Variants in CFAP91 observed in about 807,000 individuals in gnomAD.
The protein encoded by CFAP91 is cilia- and flagella-associated protein 91.
In CFAP91, 85 loss-of-function variants were observed where a neutral mutation model predicts 95.9. That is an observed-to-expected ratio of 0.89 (90% CI 0.74 to 1.06). CFAP91 has a LOEUF of 1.06. Among genes scored for constraint, CFAP91 ranks in the 50% least tolerant of loss-of-function variants. CFAP91 has a pLI of 0.00. For synonymous variants in CFAP91, 335 were observed against 327.5 expected (o/e 1.02, Z -0.25); for missense variants, 962 against 943.4 (o/e 1.02, Z -0.26).
chr3:119,740,910 A>C (rs1298897724), intron 13 of CFAP91: 4 of 544,642 alleles, frequency 7.3e-6, no homozygotes, highest in Non-Finnish European at 6.4e-6. Flanking sequence ...GCTGAAGTGC[A>C]GTGATGCAGT....
chr3:119,723,206 A>G (rs1243788921), intron 6 of CFAP91, among the ~76,000 whole-genome samples: 2 of 152,236 alleles, frequency 1.3e-5, no homozygotes, highest in African/African-American at 2.4e-5. Flanking sequence ...GGCAGATGCA[A>G]TGTGGGAGGA....
Position 119,744,113 on chromosome 3 carries a change from C to G in CFAP91, c.1819C>G (p.Arg607Gly). ...HAFVMLAERQ[R>G]RVREAEESGR... ...CTTTGTCATGCTGGCTGAGCGCCAG[C>G]GGCGGGTACGAGAGGCTGAAGAGAG... Residue 607 changes from arginine to glycine, a missense_variant, in exon 14 of 18, where the codon CGG becomes GGG. Transcript: ENST00000273390. 6.2e-7 allele frequency: 1 copy of G among 1,614,054 alleles called. No homozygotes were observed. Among genetic ancestry groups the G allele is most frequent in the Non-Finnish European group, 8.5e-7 (1 of 1,179,990 alleles).
intron 9 of CFAP91, 84 bp downstream of exon 9, chr3:119,732,560 A>G: frequency 1.0e-6 from 1 of 978,552 alleles, no homozygotes; most frequent in Non-Finnish European, 1.5e-6. Context: ...AGAAATTTAG[A>G]TTAAAAGCTA....
chr3:119,751,195 T>A (rs918143133), intron 17 of CFAP91, 97 bp downstream of exon 17: 1 of 1,357,814 alleles, frequency 7.4e-7, no homozygotes, highest in Admixed American at 2.6e-5. Flanking sequence ...AATGTGAAGA[T>A]TGCTGTTTAA....
intron 5 of CFAP91, among the ~76,000 whole-genome samples, chr3:119,712,236 G>T (rs1434924961): frequency 6.6e-6 from 1 of 152,230 alleles, no homozygotes; most frequent in Admixed American, 6.5e-5. Context: ...GGAAAAAATA[G>T]GTTGGAGAAA....
intron 17 of CFAP91, among the ~76,000 whole-genome samples, chr3:119,754,912 A>G (rs2054396264): frequency 6.6e-6 from 1 of 152,232 alleles, no homozygotes; most frequent in African/African-American, 2.4e-5. Context: ...CACTAAGCCA[A>G]AGAAGACTAT....
chr3:119,710,698 A>G (rs1290894586), intron 5 of CFAP91, among the ~76,000 whole-genome samples: 1 of 152,242 alleles, frequency 6.6e-6, no homozygotes, highest in Non-Finnish European at 1.5e-5. Flanking sequence ...CAAATCAGTC[A>G]TGTAATATTT....
chr3:119,714,382 A>AG (rs71619757), intron 5 of CFAP91, among the ~76,000 whole-genome samples: 69,649 of 128,052 alleles, frequency 0.54, 20,960 homozygotes, highest in East Asian at 0.78. Context: ...AAAAAAAAAA[A>AG]AAAGAAAGAA....
At chr3:119,739,229 G>T in intron 11 of CFAP91, 26 bp from the exon 12 acceptor site, 1 of 1,602,704 alleles carries the variant, frequency 6.2e-7, no homozygotes, top group Non-Finnish European at 8.5e-7. Context: ...TTCTCAAGCT[G>T]CTTGGTTCTC....
At chr3:119,714,696 C>T (rs1452460047) in intron 5 of CFAP91, among the ~76,000 whole-genome samples, 1 of 152,076 alleles carries the variant, frequency 6.6e-6, no homozygotes, top group African/African-American at 2.4e-5. Flanking sequence ...TTTACAAGGG[C>T]TTTTTATATA....
Position 119,703,061 on chromosome 3 carries a change from C to G in CFAP91, c.-38C>G, listed in dbSNP as rs367686262. On this transcript the variant is annotated 5_prime_UTR_variant, in exon 1 of 18. Coordinates refer to ENST00000273390, the MANE Select transcript of CFAP91 (RefSeq NM_033364.4). ...GTGCACGCAGTAGCCAGGCCTGACC[C>G]GCTGGTCCCTTGCTGGCGGGAGGAA... 660 of 1,548,126 alleles carry G rather than the reference C, an allele frequency of 4.3e-4. 1 individual carries two copies. In the African/African-American group the frequency reaches 7.8e-3, roughly 18 times the overall value.
At chr3:119,720,405 A>AG (rs2053661407) in intron 6 of CFAP91, among the ~76,000 whole-genome samples, 1 of 147,392 alleles carries the variant, frequency 6.8e-6, no homozygotes, top group Non-Finnish European at 1.5e-5. Context: ...TCAAAAAAAA[A>AG]AAAAGAAAAG....
chr3:119,721,378 A>G (rs1211268611), intron 6 of CFAP91, among the ~76,000 whole-genome samples: 1 of 152,252 alleles, frequency 6.6e-6, no homozygotes, highest in Admixed American at 6.5e-5. Context: ...TAAACATCAT[A>G]CTAAAGGTGA....
intron 3 of CFAP91, among the ~76,000 whole-genome samples, 199 bp from the exon 4 acceptor site, chr3:119,708,392 C>G (rs1043296622): frequency 2.0e-5 from 3 of 152,014 alleles, no homozygotes; most frequent in African/African-American, 4.8e-5. Flanking sequence ...CTCTGTCTGA[C>G]TAGGTTCTGG....
chr3:119,710,104 G>A, intron 5 of CFAP91: 1 of 518,190 alleles, frequency 1.9e-6, no homozygotes, highest in Non-Finnish European at 3.4e-6. Context: ...TATATGGAGG[G>A]TAAGTTGGTT....
intron 6 of CFAP91, among the ~76,000 whole-genome samples, chr3:119,717,557 T>G (rs986053982): frequency 2.0e-5 from 3 of 151,846 alleles, no homozygotes; most frequent in Admixed American, 6.6e-5. Flanking sequence ...TTGGTTTTTT[T>G]TTTTTTTTTT....
chr3:119,712,809 G>T (rs547962687), intron 5 of CFAP91, among the ~76,000 whole-genome samples: 2 of 152,064 alleles, frequency 1.3e-5, no homozygotes, highest in African/African-American at 2.4e-5. Context: ...ACAAAAATTA[G>T]CTGGGTGAGG....
chr3:119,747,735 C>A, intron 15 of CFAP91, 76 bp from the exon 16 acceptor site: 1 of 1,228,992 alleles, frequency 8.1e-7, no homozygotes, highest in Non-Finnish European at 1.2e-6. Context: ...GAGTTGCTTA[C>A]ACAGCAGGAA....
intron 7 of CFAP91, among the ~76,000 whole-genome samples, chr3:119,728,198 C>G (rs552587948): frequency 6.6e-6 from 1 of 152,198 alleles, no homozygotes; most frequent in South Asian, 2.1e-4. Context: ...ATCTATAGAG[C>G]ATGGAACACT....
Sources: allele counts gnomAD v4.1 joint callset (sites outside exome capture counted in the v4.1 genomes callset), GRCh38; gene constraint gnomAD v4.1.1; transcripts MANE v1.5; gene names NCBI Gene and HGNC (gene_info 2026-07-23, HGNC 2026-07-21).